Variants in ZNF536 observed in about 807,000 individuals in gnomAD.
The protein encoded by ZNF536 is zinc finger protein 536.
In ZNF536, 13 loss-of-function variants were observed where a neutral mutation model predicts 84.5. The ratio of observed to expected loss-of-function variants is 0.15; its 90% CI spans 0.10 to 0.24. The LOEUF is 0.24. ZNF536 is among the 10% of genes least tolerant of loss of function. The probability of loss-of-function intolerance (pLI) is 1.00; values close to 1 mark genes in which losing one functional copy is unlikely to be tolerated. For synonymous variants in ZNF536, 811 were observed against 742.5 expected, an observed-to-expected ratio of 1.09 and a Z score of -1.50; for missense variants, 1,536 against 1,747.5, an observed-to-expected ratio of 0.88 and a Z score of 2.16.
intron 2 of ZNF536, among the ~76,000 whole-genome samples, chr19:30,460,481 G>A (rs1243031444): frequency 6.6e-6 from 1 of 152,132 alleles, no homozygotes; most frequent in Non-Finnish European, 1.5e-5. Flanking sequence ...ATGGTGACGA[G>A]GTTCTGTCCT....
chr19:30,682,965 C>A (rs562992520), intron 1 of ZNF536, among the ~76,000 whole-genome samples: 2 of 152,220 alleles, frequency 1.3e-5, no homozygotes, highest in South Asian at 2.1e-4. Context: ...TAGGGCAATG[C>A]GAGCTATGAT....
At chr19:30,606,501 T>C (rs1423596990) in intron 1 of ZNF536, among the ~76,000 whole-genome samples, 1 of 152,106 alleles carries the variant, frequency 6.6e-6, no homozygotes, top group East Asian at 1.9e-4. Context: ...GGGCGTGGGT[T>C]GGTGCTGAGC....
chr19:30,331,965 C>G (rs1395214462), intron 2 of ZNF536, among the ~76,000 whole-genome samples: 1 of 152,182 alleles, frequency 6.6e-6, no homozygotes, highest in Non-Finnish European at 1.5e-5. Flanking sequence ...GTCTCATGCA[C>G]CTGATGAATC....
chr19:30,457,195 T>C (rs2052896497), intron 2 of ZNF536, among the ~76,000 whole-genome samples: 1 of 152,200 alleles, frequency 6.6e-6, no homozygotes, highest in Non-Finnish European at 1.5e-5. Flanking sequence ...TGGTGCCCAG[T>C]TTGTTCTCAA....
At chr19:30,395,822 TG>T (rs936423631) in intron 1 of ZNF536, among the ~76,000 whole-genome samples, 3 of 152,240 alleles carry the variant, frequency 2.0e-5, no homozygotes, top group Non-Finnish European at 2.9e-5. Flanking sequence ...GTTTTCATTA[TG>T]TTTTTTAAGT....
Position 30,530,667 on chromosome 19 carries a change from G to T in ZNF536, c.2171-4180G>T, listed in dbSNP as rs542791108. ...CAGCCAATACCTCTGTCTTTCTACT[G>T]CCTGCTTCCTGGAGTGGCTAGGAAA... On this transcript the variant is annotated intron_variant, in intron 2 of 4. Transcript: ENST00000355537. Among the ~76,000 whole-genome samples the T allele has an allele frequency of 4.1e-4, 62 of 152,222 alleles. 1 individual carries two copies. The highest frequency in any genetic ancestry group is 6.5e-5 in the Admixed American group (1 of 15,286).
chr19:30,311,567 C>G (rs1343865355), intron 2 of ZNF536, among the ~76,000 whole-genome samples: 1 of 152,098 alleles, frequency 6.6e-6, no homozygotes, highest in Non-Finnish European at 1.5e-5. Context: ...CATATCCATA[C>G]CCTCCTATTA....
intron 1 of ZNF536, among the ~76,000 whole-genome samples, chr19:30,400,923 A>G (rs1292476452): frequency 6.6e-6 from 1 of 152,184 alleles, no homozygotes; most frequent in Non-Finnish European, 1.5e-5. Context: ...CATATTTAAG[A>G]ACCATTTGCC....
intron 1 of ZNF536, among the ~76,000 whole-genome samples, chr19:30,592,248 G>A (rs979547980): frequency 2.0e-5 from 3 of 152,288 alleles, no homozygotes; most frequent in East Asian, 3.9e-4. Context: ...TAAAGGTATC[G>A]AGGCAGCACA....
At chr19:30,438,099 T>A (rs75759982) in intron 1 of ZNF536, among the ~76,000 whole-genome samples, 118 of 152,316 alleles carry the variant, frequency 7.7e-4, no homozygotes, top group African/African-American at 2.7e-3. Context: ...CTTCCTTTTT[T>A]AAAATTTTAG....
At chr19:30,582,258 T>A (rs565376072) in intron 1 of ZNF536, among the ~76,000 whole-genome samples, 1 of 152,172 alleles carries the variant, frequency 6.6e-6, no homozygotes, top group East Asian at 1.9e-4. Flanking sequence ...GGGTGCCTAC[T>A]GCCAAGGGAG....
At chr19:30,692,302 C>T (rs1216549547) in intron 1 of ZNF536, among the ~76,000 whole-genome samples, 1 of 152,214 alleles carries the variant, frequency 6.6e-6, no homozygotes, top group African/African-American at 2.4e-5. Context: ...ATGAGCAAAT[C>T]ACAAGCATTC....
chr19:30,251,051 G>C (rs1379753475), intron 1 of ZNF536, among the ~76,000 whole-genome samples: 4 of 151,852 alleles, frequency 2.6e-5, no homozygotes, highest in Non-Finnish European at 5.9e-5. Context: ...AGAACATGTG[G>C]GGTCTGTCTG....
intron 1 of ZNF536, among the ~76,000 whole-genome samples, chr19:30,708,533 G>A (rs1045614883): frequency 2.0e-5 from 3 of 152,220 alleles, no homozygotes; most frequent in Non-Finnish European, 4.4e-5. Flanking sequence ...TCCCTGGGGA[G>A]GACAGGCTGG....
intron 2 of ZNF536, among the ~76,000 whole-genome samples, chr19:30,306,827 A>G (rs2046355450): frequency 6.6e-6 from 1 of 152,186 alleles, no homozygotes; most frequent in Non-Finnish European, 1.5e-5. Context: ...TTTACAATTT[A>G]GTACTTTTAA....
chr19:30,389,047 A>G (rs1798461049), intron 1 of ZNF536, among the ~76,000 whole-genome samples: 1 of 152,200 alleles, frequency 6.6e-6, no homozygotes, highest in South Asian at 2.1e-4. Context: ...CTCTTGATTT[A>G]CCAGGCTCCT....
At chr19:30,241,910 G>A (rs1222476832) in intron 1 of ZNF536, among the ~76,000 whole-genome samples, 1 of 152,192 alleles carries the variant, frequency 6.6e-6, no homozygotes, top group Non-Finnish European at 1.5e-5. Flanking sequence ...GTGAGAAGAA[G>A]TCAGCAGAGA....
intron 1 of ZNF536, among the ~76,000 whole-genome samples, chr19:30,573,084 G>T (rs1034636975): frequency 1.4e-4 from 22 of 152,278 alleles, no homozygotes; most frequent in African/African-American, 4.8e-4. Flanking sequence ...AAGACCCTCA[G>T]ATGAGAGAGG....
chr19:30,366,122 C>T (rs2048420529), intron 3 of ZNF536, among the ~76,000 whole-genome samples: 1 of 152,166 alleles, frequency 6.6e-6, no homozygotes, highest in African/African-American at 2.4e-5. Context: ...AGTAAGTTCT[C>T]CTCTGTCTTC....
Sources: gnomAD v4.1 joint callset for allele counts (sites outside exome capture counted in the v4.1 genomes callset) on GRCh38, gnomAD v4.1.1 for gene constraint, MANE v1.5 for transcripts, NCBI Gene and HGNC (gene_info 2026-07-23, HGNC 2026-07-21) for gene names.